Variants in MEFV observed in about 807,000 individuals in gnomAD.
The protein encoded by MEFV is MEFV innate immunity regulator, pyrin, also known as pyrin.
A neutral mutation model predicts 62.5 loss-of-function variants in MEFV; 60 were observed. The observed-to-expected ratio is 0.96, with a 90% CI of 0.78 to 1.19. MEFV has a LOEUF of 1.19. Ranked by LOEUF, MEFV falls within the 50% of genes most tolerant of loss-of-function variation. The pLI is 0.00. For missense variants in MEFV, 1,169 were observed against 1,004.5 expected, an observed-to-expected ratio of 1.16 and a Z score of -2.21; for synonymous variants, 500 against 415.2, an observed-to-expected ratio of 1.20 and a Z score of -2.48.
rs760439284 is a variant in MEFV at position 3,243,385 on chromosome 16, G to A, written c.2102C>T (p.Ala701Val). Residue 701 changes from alanine to valine, a missense_variant, in exon 10 of 10, where the codon GCG (alanine) becomes GTG (valine). Transcript: ENST00000219596. ...VIMMKENEYQ[A>V]SSVPPTRLLI... Reference sequence around the variant, plus strand: ...CAGGCGGGTCGGGGGAACGCTGGACGCCTGGTACTCATTTTCCTTCATCAT... The same window carrying A: ...CAGGCGGGTCGGGGGAACGCTGGACACCTGGTACTCATTTTCCTTCATCAT... 8.1e-6 allele frequency: 13 copies of A among 1,614,020 alleles called. No homozygotes were observed. The highest frequency in any genetic ancestry group is 4.5e-5 in the East Asian group (2 of 44,896).
chr16:3,254,736 C>T lies in MEFV; in HGVS notation c.332G>A (p.Gly111Glu), dbSNP rs751454741. Residue 111 changes from glycine to glutamate, a missense_variant, in exon 2 of 10, where the codon GGG becomes GAG. Physicochemically the swap from Gly to Glu is moderately conservative, Grantham distance 98. Transcript: ENST00000219596. ...TDDSAASSSL[G>E]ENKPRSLKTP... ...CTTCAGGCTCCTGGGCTTGTTCTCC[C>T]CCAGGGAGCTGGACGCTGCGGAATC... 1.2e-6 allele frequency: 2 copies of T among 1,612,884 alleles called. No homozygotes were observed. Among genetic ancestry groups the T allele is most frequent in the Non-Finnish European group, 1.7e-6 (2 of 1,180,022 alleles).
rs1448088602 is a variant in MEFV, at chr16:3,249,665, G to C, written c.1026C>G (p.Pro342=). ...CAGGTGAGCGGCTGCCTGAGGCCTG[G>C]GGGTGCCCAGAAACTGCCTCGGGGA... is the stretch of plus-strand genomic sequence containing the variant. ...CSFPEAVSGH[P]QASGSRSPGC... The change falls in exon 3 of 10, where the codon CCC becomes CCG. Residue 342 remains proline (P), a synonymous_variant. Coordinates refer to ENST00000219596, the MANE Select transcript of MEFV (RefSeq NM_000243.3). 1 of 1,613,188 alleles carries C rather than the reference G, an allele frequency of 6.2e-7. No homozygotes were observed. Among genetic ancestry groups the C allele is most frequent in the Non-Finnish European group, 8.5e-7 (1 of 1,179,350 alleles).
At chr16:3,254,942 G>GGAATA in intron 1 of MEFV, 152 bp from the exon 2 acceptor site, 1 of 1,308,084 alleles carries the variant, frequency 7.6e-7, no homozygotes, top group Non-Finnish European at 1.1e-6. Flanking sequence ...TGTATTCCCG[G>GGAATA]CACTCTGGGA....
chr16:3,248,451 A>T (rs1023435436), intron 4 of MEFV: 1 of 205,064 alleles, frequency 4.9e-6, no homozygotes, highest in Non-Finnish European at 1.0e-5. Flanking sequence ...TTAGCCAGGC[A>T]TGGTGGCACT....
In MEFV at chr16:3,249,732, C is replaced by T. The variant is rs374412819; in HGVS notation, c.959G>A (p.Gly320Glu). The T allele has an allele frequency of 1.2e-6, 2 of 1,614,114 alleles. No individual in the cohort carries two copies. Among genetic ancestry groups the T allele is most frequent in the South Asian group, 2.2e-5 (2 of 91,076 alleles). The stretch of plus-strand genomic sequence containing the variant: ...CACACAGGTACCGTCAACTGGGTCT[C>T]CTTCCTGGGCGTGGCAGCGGGGACT... ...AASPRCHAQE[G>E]DPVDGTCVRD... Residue 320 changes from glycine (G) to glutamate (E), a missense_variant, in exon 3 of 10, where the codon GGA becomes GAA. By Grantham distance (98) the Gly-to-Glu change is moderately conservative. Transcript: ENST00000219596.
intron 8 of MEFV, 30 bp from the exon 9 acceptor site, chr16:3,243,922 A>C (rs1231123): frequency 2.5e-6 from 4 of 1,612,598 alleles, no homozygotes; most frequent in Non-Finnish European, 1.7e-6. Flanking sequence ...AGGGAAAAAA[A>C]TCCTGAGCAT....
Position 3,247,221 on chromosome 16 carries a change from C to T in MEFV, c.1382G>A (p.Arg461Gln), listed in dbSNP as rs145637617. 1.4e-4 allele frequency: 227 copies of T among 1,614,126 alleles called. No individual in the cohort carries two copies. The African/African-American group carries it at 2.6e-3, about 18-fold the overall frequency. The part of the protein sequence containing the change: ...FLKQTEALKQ[R>Q]VQRKLEQVYY... ...CACCTGCTCCAGCTTCCTCTGCACC[C>T]GCTGCTTCAGCGCTTCAGTTTGTTT... The change falls in exon 5 of 10, where the codon CGG (arginine) becomes CAG (glutamine). Residue 461 changes from arginine to glutamine, a missense_variant. By Grantham distance (43) the Arg-to-Gln change is conservative. Transcript: ENST00000219596.
In MEFV at chr16:3,256,525, G is replaced by T. The variant is rs1959118627; in HGVS notation, c.63C>A (p.Phe21Leu). 1 of 1,614,156 alleles carries T rather than the reference G, an allele frequency of 6.2e-7. No homozygotes were observed. The highest frequency in any genetic ancestry group is 1.3e-5 in the African/African-American group (1 of 75,038). Reference sequence around the variant, plus strand: ...TCTGCAGCTTGAACTTGAACTTCTCGAAGTCATAGGGCACCAGCTCCTCCA... The same window carrying T: ...TCTGCAGCTTGAACTTGAACTTCTCTAAGTCATAGGGCACCAGCTCCTCCA... ...STLEELVPYD[F>L]EKFKFKLQNT... The change falls in exon 1 of 10, where the codon TTC (phenylalanine) becomes TTA (leucine). Residue 21 changes from phenylalanine (F) to leucine (L), a missense_variant. By Grantham distance (22) the Phe-to-Leu change is conservative (BLOSUM62 0). Transcript: ENST00000219596.
In MEFV at chr16:3,245,296, AAAGAAAGGAAGGAAGG is replaced by A. The variant is rs1339485706; in HGVS notation, c.1611-724_1611-709del. On this transcript the variant is annotated intron_variant, in intron 6 of 9. Coordinates refer to ENST00000219596, the MANE Select transcript of MEFV (RefSeq NM_000243.3). Reference sequence around the variant, plus strand: ...GGAGTGAGACCTTGTCTCAAGAAGAAAAGAAAGGAAGGAAGGAAGAAAGGAAGGAAGGGAGGGAGGG... The same window carrying A: ...GGAGTGAGACCTTGTCTCAAGAAGAAAAGAAAGGAAGGAAGGGAGGGAGGG... 5.3e-5 allele frequency among the ~76,000 whole-genome samples: 8 copies of A among 151,904 alleles called. No individual in the cohort carries two copies. The South Asian group carries it at 8.4e-4, about 16-fold the overall frequency.
At position 3,249,663 on chromosome 16, in the gene MEFV, T is replaced by C; in HGVS notation, c.1028A>G (p.Gln343Arg). Residue 343 changes from glutamine (Q) to arginine (R), a missense_variant, in exon 3 of 10, where the codon CAG becomes CGG. Physicochemically the swap from Gln to Arg is conservative, Grantham distance 43 (BLOSUM62 1). Transcript: ENST00000219596. ...GCCAGGTGAGCGGCTGCCTGAGGCC[T>C]GGGGGTGCCCAGAAACTGCCTCGGG... ...SFPEAVSGHPQASGSRSPGCP... is the reference protein window; with the variant it reads ...SFPEAVSGHPRASGSRSPGCP... 6.2e-7 allele frequency: 1 copy of C among 1,613,224 alleles called. No individual in the cohort carries two copies. The highest frequency in any genetic ancestry group is 8.5e-7 in the Non-Finnish European group (1 of 1,179,398).
At chr16:3,254,913 G>C in intron 1 of MEFV, 123 bp from the exon 2 acceptor site, 2 of 1,501,070 alleles carry the variant, frequency 1.3e-6, no homozygotes, top group Non-Finnish European at 1.8e-6. Context: ...ACAACGGGCC[G>C]GGCGCGGTGG....
Position 3,243,593 on chromosome 16 carries a change from C to T in MEFV, c.1894G>A (p.Gly632Ser), listed in dbSNP as rs104895128. The change falls in exon 10 of 10, where the codon GGC becomes AGC. Residue 632 changes from glycine (G) to serine (S), a missense_variant. By Grantham distance (56) the Gly-to-Ser change is moderately conservative. Coordinates refer to ENST00000219596, the MANE Select transcript of MEFV (RefSeq NM_000243.3). The part of the protein sequence containing the change: ...LGNKWERLPD[G>S]PQRFDSCIIV... ...ATACAGCTGTCAAATCTTTGCGGGC[C>T]ATCAGGCAGCCTCTCCCACTTGTTT... 3.2e-5 allele frequency: 51 copies of T among 1,602,224 alleles called. No individual in the cohort carries two copies. The Middle Eastern group carries it at 1.0e-3, about 31-fold the overall frequency.
At position 3,253,950 on chromosome 16, in the gene MEFV, C is replaced by A. The variant is rs1225136802; in HGVS notation, c.910+208G>T. On this transcript the variant is annotated intron_variant, in intron 2 of 9. Coordinates refer to ENST00000219596, the MANE Select transcript of MEFV (RefSeq NM_000243.3). ...ACAGGCGAGAGCTACCACGCCCTGC[C>A]CAACCTTTGGGTTTTTATTTTTTTA... 3.3e-5 allele frequency among the ~76,000 whole-genome samples: 5 copies of A among 152,104 alleles called. No individual in the cohort carries two copies. The South Asian group carries it at 6.2e-4, about 19-fold the overall frequency.
At chr16:3,243,948 C>A (rs1958900613) in intron 8 of MEFV, 56 bp from the exon 9 acceptor site, 1 of 1,606,180 alleles carries the variant, frequency 6.2e-7, no homozygotes, top group African/African-American at 1.3e-5. Flanking sequence ...TTAAGAGGGG[C>A]TAAATTACAC....
At chr16:3,244,618 G>A (rs201076911) in intron 6 of MEFV, 30 bp from the exon 7 acceptor site, 2 of 1,575,670 alleles carry the variant, frequency 1.3e-6, no homozygotes, top group Non-Finnish European at 1.7e-6. Context: ...GACCAGAGAA[G>A]GCCGGAGCGA....
In MEFV at chr16:3,254,729, G is replaced by C; in HGVS notation, c.339C>G (p.Asn113Lys). The change falls in exon 2 of 10, where the codon AAC becomes AAG. Residue 113 changes from asparagine to lysine, a missense_variant. Transcript: ENST00000219596. ...DSAASSSLGE[N>K]KPRSLKTPDH... ...CTGGAGTCTTCAGGCTCCTGGGCTT[G>C]TTCTCCCCCAGGGAGCTGGACGCTG... 2 of 1,612,886 alleles carry C rather than the reference G, an allele frequency of 1.2e-6. No homozygotes were observed. The highest frequency in any genetic ancestry group is 1.7e-6 in the Non-Finnish European group (2 of 1,180,024).
chr16:3,247,199 C>G lies in MEFV; in HGVS notation c.1404G>C (p.Gln468His). The change falls in exon 5 of 10, where the codon CAG becomes CAC. Residue 468 changes from glutamine (Q) to histidine (H), a missense_variant. Gln to His is a conservative substitution (Grantham distance 24, BLOSUM62 0). Coordinates refer to ENST00000219596, the MANE Select transcript of MEFV (RefSeq NM_000243.3). ...CTTGCTGCTCCAGGAAGTAGTACAC[C>G]TGCTCCAGCTTCCTCTGCACCCGCT... ...LKQRVQRKLE[Q>H]VYYFLEQQEH... 1 of 1,614,152 alleles carries G rather than the reference C, an allele frequency of 6.2e-7. No individual in the cohort carries two copies. The highest frequency in any genetic ancestry group is 8.5e-7 in the Non-Finnish European group (1 of 1,180,024).
chr16:3,248,809 C>G lies in MEFV; in HGVS notation c.1356+100G>C. On this transcript the variant is annotated intron_variant, in intron 4 of 9. Coordinates refer to ENST00000219596, the MANE Select transcript of MEFV (RefSeq NM_000243.3). ...GTCCCCTGAGAGGAGGTGGCCATCC[C>G]TGCTGCCCTGTGAACCACAGCAGAA... 7 of 1,602,390 alleles carry G rather than the reference C, an allele frequency of 4.4e-6. No homozygotes were observed. In the South Asian group the frequency reaches 5.5e-5, roughly 13 times the overall value.
chr16:3,251,162 T>C (rs1405092578), intron 2 of MEFV, among the ~76,000 whole-genome samples: 5 of 151,836 alleles, frequency 3.3e-5, no homozygotes, highest in Non-Finnish European at 5.9e-5. Flanking sequence ...GAAATTATTC[T>C]CCCTCCTTCT....
Sources: allele counts gnomAD v4.1 joint callset (sites outside exome capture counted in the v4.1 genomes callset), GRCh38; gene constraint gnomAD v4.1.1; transcripts MANE v1.5; gene names NCBI Gene and HGNC (gene_info 2026-07-23, HGNC 2026-07-21).